The following CAAP1 variants were observed in gnomAD, a reference collection of about 807,000 sequenced individuals.
CAAP1 encodes the protein caspase activity and apoptosis inhibitor 1.
Under a neutral mutation model 34.0 loss-of-function variants are expected in CAAP1, and 20 were observed. That is an observed-to-expected ratio of 0.59 (90% confidence interval 0.41 to 0.86). The LOEUF (loss-of-function observed/expected upper bound fraction) is 0.86, where lower values mean the gene tolerates loss of function less well. Ranked by LOEUF, CAAP1 falls within the 40% of genes least tolerant of loss-of-function variation. CAAP1 has a pLI of 0.00. For synonymous variants in CAAP1, 213 were observed against 166.7 expected (o/e 1.28, Z -2.14); for missense variants, 538 against 450.5 (o/e 1.19, Z -1.76).
At chr9:26,880,370 T>A (rs1482309235) in intron 4 of CAAP1, 1 of 270,542 alleles carries the variant, frequency 3.7e-6, no homozygotes, top group Admixed American at 4.4e-5. Flanking sequence ...GATTCAGAAG[T>A]TCAGTGGACT....
intron 4 of CAAP1, among the ~76,000 whole-genome samples, chr9:26,863,527 C>A (rs2131312940): frequency 6.6e-6 from 1 of 152,034 alleles, no homozygotes; most frequent in East Asian, 1.9e-4. Flanking sequence ...ATTATGTGTA[C>A]AGGTCTTTTT....
Position 26,887,344 on chromosome 9 carries a change from T to G in CAAP1, c.473A>C (p.Lys158Thr), listed in dbSNP as rs1169315535. The change falls in exon 2 of 6, where the codon AAG becomes ACG. Residue 158 changes from lysine (K) to threonine (T), a missense_variant. This residue lies in a region of CAAP1 where 514 missense variants were observed against 408.4 expected (regional missense o/e 1.26). Transcript: ENST00000333916. ...CACATCAGGAAGCATCTTCTGTAAC[T>G]TTTTCTCTCCTATAATACAGAAGCA... ...QQCFCIIGEKKLQKMLPDVLK... is the reference protein window; with the variant it reads ...QQCFCIIGEKTLQKMLPDVLK... 2 of 1,605,890 alleles carry G rather than the reference T, an allele frequency of 1.2e-6. No homozygotes were observed. The highest frequency in any genetic ancestry group is 8.5e-7 in the Non-Finnish European group (1 of 1,175,610).
intron 2 of CAAP1, 120 bp from the exon 3 acceptor site, chr9:26,886,308 T>A (rs775507966): frequency 2.3e-6 from 1 of 427,148 alleles, no homozygotes; most frequent in African/African-American, 2.0e-5. Flanking sequence ...AATTAAAGCC[T>A]CAAGTAGATT....
At chr9:26,858,381 G>GATTTCAGCTATATTAATATTT in intron 5 of CAAP1, among the ~76,000 whole-genome samples, 1 of 152,224 alleles carries the variant, frequency 6.6e-6, no homozygotes, top group African/African-American at 2.4e-5. Context: ...TATCTAGTCA[G>GATTTCAGCTATATTAATATTT]ATTTCAGCTA....
At chr9:26,843,273 A>T (rs570353529) in intron 5 of CAAP1, among the ~76,000 whole-genome samples, 4 of 152,314 alleles carry the variant, frequency 2.6e-5, no homozygotes, top group Admixed American at 6.5e-5. Context: ...CCATAATTTT[A>T]AAAAATGCAT....
At chr9:26,857,714 T>C (rs1204934346) in intron 5 of CAAP1, among the ~76,000 whole-genome samples, 1 of 152,210 alleles carries the variant, frequency 6.6e-6, no homozygotes, top group African/African-American at 2.4e-5. Context: ...AACCAATAGA[T>C]TATATTTACA....
chr9:26,863,873 C>T (rs1396326982), intron 4 of CAAP1, among the ~76,000 whole-genome samples: 1 of 151,722 alleles, frequency 6.6e-6, no homozygotes, highest in East Asian at 1.9e-4. Flanking sequence ...CTCATTGTAG[C>T]CTCGACTTCC....
intron 5 of CAAP1, among the ~76,000 whole-genome samples, chr9:26,855,792 C>T (rs1284471646): frequency 1.3e-5 from 2 of 152,074 alleles, no homozygotes; most frequent in Non-Finnish European, 2.9e-5. Context: ...TAAAGAGCTG[C>T]TTTCCCTAAT....
chr9:26,884,170 A>G (rs1284946763), intron 4 of CAAP1, among the ~76,000 whole-genome samples: 1 of 152,216 alleles, frequency 6.6e-6, no homozygotes, highest in Non-Finnish European at 1.5e-5. Flanking sequence ...GAAACTACCA[A>G]AATAGTTAAT....
At chr9:26,859,092 G>A (rs902165600) in intron 5 of CAAP1, among the ~76,000 whole-genome samples, 3 of 151,480 alleles carry the variant, frequency 2.0e-5, no homozygotes, top group Non-Finnish European at 4.4e-5. Context: ...CAATGGTACT[G>A]CTACACTTTG....
intron 4 of CAAP1, among the ~76,000 whole-genome samples, chr9:26,884,324 G>T (rs1005169833): frequency 6.6e-6 from 1 of 151,974 alleles, no homozygotes; most frequent in Non-Finnish European, 1.5e-5. Context: ...TTATCATCCC[G>T]ACAGTCAAAT....
At chr9:26,882,176 A>G (rs1449128669) in intron 4 of CAAP1, among the ~76,000 whole-genome samples, 1 of 152,210 alleles carries the variant, frequency 6.6e-6, no homozygotes, top group Non-Finnish European at 1.5e-5. Context: ...AGAAAAACCC[A>G]TTTTCTGAGG....
intron 5 of CAAP1, among the ~76,000 whole-genome samples, chr9:26,860,551 G>C (rs1014238878): frequency 2.0e-5 from 3 of 152,140 alleles, no homozygotes; most frequent in Non-Finnish European, 4.4e-5. Context: ...CCAGCACTTT[G>C]GGTGGCCGAG....
chr9:26,850,422 C>G (rs904618192), intron 5 of CAAP1, among the ~76,000 whole-genome samples: 5 of 152,182 alleles, frequency 3.3e-5, no homozygotes, highest in Admixed American at 2.0e-4. Flanking sequence ...AAAGAATGTA[C>G]AAGTTTTACC....
At chr9:26,872,053 G>A (rs7851035) in intron 4 of CAAP1, among the ~76,000 whole-genome samples, 6,233 of 152,196 alleles carry the variant, frequency 0.041, 439 homozygotes, top group African/African-American at 0.14. Context: ...CTAACAAACA[G>A]CAAGAGTTCT....
At chr9:26,887,675 A>C (rs1051529067) in intron 1 of CAAP1, among the ~76,000 whole-genome samples, 162 bp from the exon 2 acceptor site, 3 of 152,214 alleles carry the variant, frequency 2.0e-5, no homozygotes, top group African/African-American at 7.2e-5. Flanking sequence ...ATATCTGTTT[A>C]ATATTACTTG....
At chr9:26,863,109 CCT>C (rs754424987) in intron 4 of CAAP1, among the ~76,000 whole-genome samples, 2 of 152,100 alleles carry the variant, frequency 1.3e-5, no homozygotes, top group Non-Finnish European at 2.9e-5. Flanking sequence ...CCTATGAAAG[CCT>C]CTTAGAGCCC....
intron 5 of CAAP1, among the ~76,000 whole-genome samples, chr9:26,859,015 A>AC (rs1822943941): frequency 6.6e-6 from 1 of 151,710 alleles, no homozygotes; most frequent in South Asian, 2.1e-4. Flanking sequence ...AAAAAAAAAA[A>AC]AGGTTAAAAC....
chr9:26,867,692 T>A (rs1471430722), intron 4 of CAAP1, among the ~76,000 whole-genome samples: 1 of 152,198 alleles, frequency 6.6e-6, no homozygotes, highest in Non-Finnish European at 1.5e-5. Flanking sequence ...ATACTGTTTA[T>A]ACTTAACCTA....
Sources: gnomAD v4.1 joint callset for allele counts (sites outside exome capture counted in the v4.1 genomes callset) on GRCh38, gnomAD v4.1.1 for gene constraint, gnomAD v4.1.1 regional missense constraint, MANE v1.5 for transcripts, NCBI Gene and HGNC (gene_info 2026-07-23, HGNC 2026-07-21) for gene names.